UGGT2: variants seen among roughly 807,000 people sequenced by gnomAD.
UGGT2 encodes the protein UDP-glucose glycoprotein glucosyltransferase 2, also known as UDP-glucose:glycoprotein glucosyltransferase 2.
A neutral mutation model predicts 192.1 loss-of-function variants in UGGT2; 180 were observed. The observed-to-expected ratio is 0.94, with a 90% CI of 0.83 to 1.06. The LOEUF is 1.06. UGGT2 is among the 50% of genes least tolerant of loss of function. UGGT2 has a pLI of 0.00. For synonymous variants in UGGT2, 580 were observed against 591.0 expected, an observed-to-expected ratio of 0.98 and a Z score of 0.27; for missense variants, 1,849 against 1,795.7, an observed-to-expected ratio of 1.03 and a Z score of -0.54.
chr13:96,043,322 G>T (rs1418847221), intron 1 of UGGT2, among the ~76,000 whole-genome samples: 2 of 152,172 alleles, frequency 1.3e-5, no homozygotes, highest in Non-Finnish European at 2.9e-5. Flanking sequence ...AATGCTGACA[G>T]AATTTGCCAC....
chr13:96,051,616 T>A (rs1370102403), intron 1 of UGGT2, among the ~76,000 whole-genome samples: 1 of 150,884 alleles, frequency 6.6e-6, no homozygotes, highest in African/African-American at 2.4e-5. Flanking sequence ...ATATCCAGAA[T>A]CTACAAGGAA....
intron 36 of UGGT2, among the ~76,000 whole-genome samples, chr13:95,845,377 C>CTTTTAA (rs1555338944): frequency 2.4e-5 from 1 of 42,186 alleles, no homozygotes; most frequent in Non-Finnish European, 6.8e-5. Context: ...GTGGTGATGA[C>CTTTTAA]TGGTATGCTG....
intron 29 of UGGT2, among the ~76,000 whole-genome samples, chr13:95,874,256 A>C (rs1348294925): frequency 6.6e-6 from 1 of 152,180 alleles, no homozygotes; most frequent in African/African-American, 2.4e-5. Flanking sequence ...GAAGACATCC[A>C]GTGGATGTAT....
intron 36 of UGGT2, among the ~76,000 whole-genome samples, chr13:95,845,228 G>A (rs1427285153): frequency 1.3e-5 from 2 of 151,650 alleles, no homozygotes; most frequent in African/African-American, 2.4e-5. Context: ...CTCGGAGAGC[G>A]GGATTTGGCG....
At chr13:95,943,843 TTA>T (rs1251311016) in intron 15 of UGGT2, among the ~76,000 whole-genome samples, 54 of 152,146 alleles carry the variant, frequency 3.5e-4, no homozygotes, top group African/African-American at 1.2e-3. Context: ...AGTGGGTACC[TTA>T]TCTTTTTCCA....
At chr13:95,991,693 AT>A (rs2051462858) in intron 7 of UGGT2, among the ~76,000 whole-genome samples, 2 of 152,184 alleles carry the variant, frequency 1.3e-5, no homozygotes, top group Admixed American at 6.5e-5. Flanking sequence ...CTTTTTCAAT[AT>A]TTTTAAGTTA....
chr13:95,987,829 T>G (rs1429395596), intron 8 of UGGT2, among the ~76,000 whole-genome samples: 1 of 152,050 alleles, frequency 6.6e-6, no homozygotes, highest in African/African-American at 2.4e-5. Flanking sequence ...ACTGCATACT[T>G]TGTTTGCCCC....
At chr13:95,908,606 C>A (rs902460709) in intron 20 of UGGT2, among the ~76,000 whole-genome samples, 5 of 151,328 alleles carry the variant, frequency 3.3e-5, no homozygotes, top group Non-Finnish European at 7.4e-5. Flanking sequence ...TCTCCAGCAC[C>A]TGTTGTTTCC....
At chr13:95,845,658 T>C (rs971031999) in intron 36 of UGGT2, among the ~76,000 whole-genome samples, 1 of 152,288 alleles carries the variant, frequency 6.6e-6, no homozygotes, top group Non-Finnish European at 1.5e-5. Flanking sequence ...ATCGTCATCA[T>C]GGCCCGTTCT....
intron 38 of UGGT2, among the ~76,000 whole-genome samples, chr13:95,818,038 C>G (rs912560016): frequency 6.6e-6 from 1 of 152,152 alleles, no homozygotes. Flanking sequence ...CCTGGCCAGG[C>G]ACTCATGCCT....
At chr13:95,817,755 G>A (rs1274972422) in intron 38 of UGGT2, among the ~76,000 whole-genome samples, 1 of 151,984 alleles carries the variant, frequency 6.6e-6, no homozygotes, top group African/African-American at 2.4e-5. Flanking sequence ...AACATTAGAA[G>A]CTTCATTAAA....
chr13:96,019,509 C>G (rs940619447), intron 4 of UGGT2, among the ~76,000 whole-genome samples: 2 of 152,124 alleles, frequency 1.3e-5, no homozygotes, highest in African/African-American at 4.8e-5. Flanking sequence ...CGAGAAAAGG[C>G]CATGGTAAAG....
chr13:96,023,590 T>C, intron 3 of UGGT2, 39 bp downstream of exon 3: 1 of 1,580,278 alleles, frequency 6.3e-7, no homozygotes, highest in Non-Finnish European at 8.6e-7. Context: ...ATTGCTAGCG[T>C]GCCTCTTTGT....
intron 20 of UGGT2, among the ~76,000 whole-genome samples, chr13:95,905,349 T>C (rs1341146038): frequency 6.6e-6 from 1 of 151,450 alleles, no homozygotes; most frequent in Non-Finnish European, 1.5e-5. Context: ...GCTTTTGGTG[T>C]TTTAGACATG....
At chr13:96,012,458 A>G (rs1325391913) in intron 5 of UGGT2, among the ~76,000 whole-genome samples, 5 of 152,070 alleles carry the variant, frequency 3.3e-5, no homozygotes, top group Non-Finnish European at 7.4e-5. Flanking sequence ...TCAGAAGACC[A>G]GAAATGCACT....
chr13:95,939,297 T>G (rs958008090), intron 16 of UGGT2, among the ~76,000 whole-genome samples: 3 of 152,228 alleles, frequency 2.0e-5, no homozygotes, highest in Non-Finnish European at 2.9e-5. Context: ...GCTTCAGGAT[T>G]CTGCTTAAAT....
At chr13:95,891,134 T>C (rs2047790577) in intron 24 of UGGT2, among the ~76,000 whole-genome samples, 170 bp from the exon 25 acceptor site, 1 of 152,134 alleles carries the variant, frequency 6.6e-6, no homozygotes, top group Non-Finnish European at 1.5e-5. Flanking sequence ...TTCAACAAAT[T>C]ACAAAACTGA....
In UGGT2 at chr13:95,925,708, T is replaced by A. The variant is rs1337450216; in HGVS notation, c.2267A>T (p.Lys756Ile). The A allele has an allele frequency of 8.9e-6, 14 of 1,577,606 alleles. No individual in the cohort carries two copies. The highest frequency in any genetic ancestry group is 1.1e-5 in the Non-Finnish European group (13 of 1,158,898). ...IADFDKPSGR[K>I]LLFNALKHMK... ...GTGCTTTAATGCATTAAAAAGAAGT[T>A]TTCTCCCAGAAGGCTTATCAAAATC... The change falls in exon 20 of 39, where the codon AAA (lysine) becomes ATA (isoleucine). Residue 756 changes from lysine (K) to isoleucine (I), a missense_variant. By Grantham distance (102) the Lys-to-Ile change is moderately radical. Transcript: ENST00000376747.
At chr13:95,837,343 TTAAAA>T (rs1887406382) in intron 36 of UGGT2, 141 bp from the exon 37 acceptor site, 1 of 642,330 alleles carries the variant, frequency 1.6e-6, no homozygotes, top group Admixed American at 2.6e-5. Context: ...ACTTTAAAGC[TTAAAA>T]TACCTAAGGT....
Sources: allele counts gnomAD v4.1 joint callset (sites outside exome capture counted in the v4.1 genomes callset), GRCh38; gene constraint gnomAD v4.1.1; transcripts MANE v1.5; gene names NCBI Gene and HGNC (gene_info 2026-07-23, HGNC 2026-07-21).